PALM2AKAP2: variants seen among roughly 807,000 people sequenced by gnomAD.
PALM2AKAP2 encodes PALM2 and AKAP2 fusion.
PALM2AKAP2 carries 37 observed loss-of-function variants against 71.5 expected under a neutral mutation model. That is an observed-to-expected ratio of 0.52 (90% CI 0.40 to 0.68). PALM2AKAP2 has a LOEUF of 0.68. Ranked by LOEUF, PALM2AKAP2 falls within the 30% of genes least tolerant of loss-of-function variation. The pLI, the probability that PALM2AKAP2 is intolerant of heterozygous loss-of-function variation, is 0.00. For synonymous variants in PALM2AKAP2, 468 were observed against 478.8 expected (o/e 0.98, Z 0.29); for missense variants, 1,224 against 1,191.8 (o/e 1.03, Z -0.40).
At chr9:109,763,780 G>A (rs1261940452) in intron 1 of PALM2AKAP2, among the ~76,000 whole-genome samples, 1 of 152,130 alleles carries the variant, frequency 6.6e-6, no homozygotes, top group Non-Finnish European at 1.5e-5. Context: ...TGTGGGGTGG[G>A]AGGGAAGTAG....
chr9:109,869,143 T>G (rs1829536481), intron 2 of PALM2AKAP2, among the ~76,000 whole-genome samples: 1 of 152,154 alleles, frequency 6.6e-6, no homozygotes, highest in Non-Finnish European at 1.5e-5. Flanking sequence ...CTCAACGTAG[T>G]TCTTTGCTTT....
At chr9:109,841,301 G>T (rs1188475378) in intron 1 of PALM2AKAP2, among the ~76,000 whole-genome samples, 1 of 148,146 alleles carries the variant, frequency 6.8e-6, no homozygotes, top group Non-Finnish European at 1.5e-5. Context: ...TCACTCATAG[G>T]TGGGAATTGA....
intron 6 of PALM2AKAP2, among the ~76,000 whole-genome samples, chr9:109,937,936 A>G (rs753684333): frequency 6.6e-6 from 1 of 152,220 alleles, no homozygotes; most frequent in Non-Finnish European, 1.5e-5. Flanking sequence ...CATTATACAA[A>G]TTGTAGTGTA....
chr9:109,735,611 G>A lies in PALM2AKAP2; in HGVS notation c.6-44877G>A, dbSNP rs1188682684. 3.9e-5 allele frequency among the ~76,000 whole-genome samples: 6 copies of A among 152,124 alleles called. No individual in the cohort carries two copies. In the East Asian group the frequency reaches 1.2e-3, roughly 29 times the overall value. The stretch of plus-strand genomic sequence containing the variant: ...CAAAAAATGATTTTTTGGCTGAAAT[G>A]TCTGTTGCATGATTAAGAAGTTTCC... On this transcript the variant is annotated intron_variant, in intron 1 of 6. Coordinates refer to the PALM2AKAP2 transcript ENST00000374531.
chr9:110,164,554 A>T, intron 3 of PALM2AKAP2, among the ~76,000 whole-genome samples: 1 of 139,412 alleles, frequency 7.2e-6, no homozygotes. Context: ...TTTTTGAGAC[A>T]CCGTCTCACT....
At chr9:109,998,778 A>C (rs953858273) in intron 6 of PALM2AKAP2, among the ~76,000 whole-genome samples, 1 of 150,960 alleles carries the variant, frequency 6.6e-6, no homozygotes, top group Non-Finnish European at 1.5e-5. Flanking sequence ...AAAAAAAAAA[A>C]AAAAGGGGGG....
chr9:109,936,304 A>G (rs564717877), intron 6 of PALM2AKAP2, among the ~76,000 whole-genome samples: 31 of 152,340 alleles, frequency 2.0e-4, no homozygotes, highest in African/African-American at 6.7e-4. Context: ...CCTACTCTGT[A>G]TTGAACATTA....
intron 1 of PALM2AKAP2, among the ~76,000 whole-genome samples, chr9:109,666,480 G>T (rs1827487911): frequency 6.6e-6 from 1 of 152,168 alleles, no homozygotes; most frequent in Non-Finnish European, 1.5e-5. Flanking sequence ...GAATGAAAAT[G>T]CTCTTATACT....
intron 6 of PALM2AKAP2, among the ~76,000 whole-genome samples, chr9:110,003,121 G>A (rs1318897743): frequency 6.6e-6 from 1 of 152,138 alleles, no homozygotes; most frequent in African/African-American, 2.4e-5. Flanking sequence ...TAATTGTGAT[G>A]TTAGGGTGTC....
chr9:109,661,311 T>C (rs1827391890), intron 1 of PALM2AKAP2, among the ~76,000 whole-genome samples: 1 of 152,238 alleles, frequency 6.6e-6, no homozygotes, highest in South Asian at 2.1e-4. Context: ...ACCATTTAAG[T>C]CTTTAATCCA....
chr9:110,014,511 TC>T (rs1290796013), intron 6 of PALM2AKAP2, among the ~76,000 whole-genome samples: 1 of 151,764 alleles, frequency 6.6e-6, no homozygotes, highest in Admixed American at 6.6e-5. Context: ...AGTGGCTCAC[TC>T]CTGTAATCCC....
At chr9:109,994,632 A>G (rs1372240667) in intron 6 of PALM2AKAP2, among the ~76,000 whole-genome samples, 1 of 152,122 alleles carries the variant, frequency 6.6e-6, no homozygotes, top group Non-Finnish European at 1.5e-5. Context: ...CCTGGACTCC[A>G]TCCTGACCAC....
chr9:109,673,672 A>G (rs1328343746), intron 1 of PALM2AKAP2, among the ~76,000 whole-genome samples: 12 of 152,076 alleles, frequency 7.9e-5, no homozygotes, highest in Non-Finnish European at 1.5e-4. Flanking sequence ...TGTCTTGATG[A>G]TCAGTCTAAT....
At chr9:110,121,068 A>G (rs1242393935) in intron 1 of PALM2AKAP2, among the ~76,000 whole-genome samples, 2 of 152,160 alleles carry the variant, frequency 1.3e-5, no homozygotes, top group Non-Finnish European at 2.9e-5. Context: ...CCAGAGAAGC[A>G]TTACCAGGTC....
chr9:109,929,185 TTC>T (rs1336497046), intron 5 of PALM2AKAP2, among the ~76,000 whole-genome samples: 15 of 151,608 alleles, frequency 9.9e-5, no homozygotes, highest in African/African-American at 1.7e-4. Context: ...TTTTTTTTGT[TTC>T]TTTTTTAAAC....
intron 1 of PALM2AKAP2, among the ~76,000 whole-genome samples, chr9:109,684,737 C>T (rs1827784047): frequency 6.6e-6 from 1 of 152,142 alleles, no homozygotes; most frequent in South Asian, 2.1e-4. Flanking sequence ...ATCATTTTGT[C>T]AAATTGCTGA....
At chr9:109,864,519 T>A (rs1829394400) in intron 1 of PALM2AKAP2, among the ~76,000 whole-genome samples, 1 of 152,194 alleles carries the variant, frequency 6.6e-6, no homozygotes, top group African/African-American at 2.4e-5. Context: ...CACAACCAGG[T>A]GAATGGAACA....
intron 1 of PALM2AKAP2, among the ~76,000 whole-genome samples, chr9:110,051,933 TTCTC>T (rs1462144627): frequency 2.6e-5 from 4 of 151,894 alleles, no homozygotes; most frequent in Non-Finnish European, 5.9e-5. Flanking sequence ...AATGGAGTCT[TTCTC>T]TGTTGCTTGG....
At chr9:109,972,955 C>A (rs1338261352) in intron 6 of PALM2AKAP2, among the ~76,000 whole-genome samples, 2 of 152,128 alleles carry the variant, frequency 1.3e-5, no homozygotes, top group Non-Finnish European at 2.9e-5. Flanking sequence ...CTTAATACAC[C>A]TTTTACCAAT....
Sources: gnomAD v4.1 joint callset for allele counts (sites outside exome capture counted in the v4.1 genomes callset) on GRCh38, gnomAD v4.1.1 for gene constraint, MANE v1.5 for transcripts, NCBI Gene and HGNC (gene_info 2026-07-23, HGNC 2026-07-21) for gene names.